Variants in PEBP4 observed in about 807,000 individuals in gnomAD.
The protein encoded by PEBP4 is phosphatidylethanolamine binding protein 4.
Under a neutral mutation model 23.9 loss-of-function variants are expected in PEBP4, and 22 were observed. The ratio of observed to expected loss-of-function variants is 0.92; its 90% confidence interval spans 0.66 to 1.31. PEBP4 has a LOEUF of 1.31. PEBP4 is among the 40% of genes most tolerant of loss of function. The pLI is 0.00. For missense variants in PEBP4, 324 were observed against 281.7 expected, an observed-to-expected ratio of 1.15 and a Z score of -1.07; for synonymous variants, 112 against 99.3, an observed-to-expected ratio of 1.13 and a Z score of -0.76.
intron 2 of PEBP4, among the ~76,000 whole-genome samples, chr8:22,927,220 G>GGGGAGAGGGGGCATTCAGGCTGCA (rs1232420963): frequency 5.3e-5 from 8 of 152,086 alleles, no homozygotes; most frequent in Non-Finnish European, 1.2e-4. Flanking sequence ...TTGGGGTTCT[G>GGGGAGAGGGGGCATTCAGGCTGCA]GGGAGAGGGG....
chr8:22,840,328 A>G (rs1044727320), intron 3 of PEBP4, among the ~76,000 whole-genome samples: 3 of 152,104 alleles, frequency 2.0e-5, no homozygotes, highest in African/African-American at 7.2e-5. Context: ...GGTGTGGATG[A>G]AAATGTGACC....
intron 4 of PEBP4, among the ~76,000 whole-genome samples, chr8:22,814,855 G>A (rs1806704673): frequency 6.6e-6 from 1 of 151,924 alleles, no homozygotes; most frequent in African/African-American, 2.4e-5. Flanking sequence ...ACCCATAAAG[G>A]ATAGTTAGAA....
intron 4 of PEBP4, among the ~76,000 whole-genome samples, chr8:22,813,012 G>A (rs1277976805): frequency 1.3e-5 from 2 of 151,736 alleles, no homozygotes; most frequent in Admixed American, 6.5e-5. Context: ...TCAAGCACAA[G>A]TGTCCTGGCA....
At chr8:22,925,228 G>A (rs1809300572) in intron 2 of PEBP4, 1 of 985,402 alleles carries the variant, frequency 1.0e-6, no homozygotes, top group Non-Finnish European at 1.2e-6. Flanking sequence ...CATCTTCCTG[G>A]CATGCAACCT....
intron 4 of PEBP4, among the ~76,000 whole-genome samples, chr8:22,793,433 ATTTT>A (rs11315221): frequency 1.7e-5 from 2 of 120,338 alleles, no homozygotes; most frequent in Admixed American, 8.7e-5. Context: ...CGCCCAGCTC[ATTTT>A]TTTTTTTTTT....
chr8:22,788,396 C>T (rs1806070942), intron 4 of PEBP4, among the ~76,000 whole-genome samples: 1 of 152,176 alleles, frequency 6.6e-6, no homozygotes, highest in Admixed American at 6.5e-5. Context: ...AGCCGTGTGG[C>T]TATGAGGGCC....
intron 3 of PEBP4, among the ~76,000 whole-genome samples, chr8:22,858,105 C>T (rs1388559891): frequency 6.6e-6 from 1 of 152,150 alleles, no homozygotes; most frequent in African/African-American, 2.4e-5. Flanking sequence ...ATAACTAAGG[C>T]GGGGTCCTCT....
rs534212434 is a variant in PEBP4 at position 22,750,777 on chromosome 8, G to A, written c.358-23557C>T. On this transcript the variant is annotated intron_variant, in intron 4 of 6. Coordinates refer to ENST00000256404, the MANE Select transcript of PEBP4 (RefSeq NM_144962.3). The stretch of plus-strand genomic sequence containing the variant: ...CTCTCGGAACTAAGACCTGAGCAAA[G>A]GGGTCAGTCTGTACAGTGCAGCCAC... Among the ~76,000 whole-genome samples, 103 of 152,284 alleles carry A rather than the reference G, an allele frequency of 6.8e-4. 4 individuals carry two copies. In the East Asian group the frequency reaches 0.011, roughly 17 times the overall value.
At chr8:22,867,261 C>G (rs535115334) in intron 3 of PEBP4, among the ~76,000 whole-genome samples, 1 of 152,254 alleles carries the variant, frequency 6.6e-6, no homozygotes, top group South Asian at 2.1e-4. Context: ...TAGACTCTGT[C>G]AACATATTTG....
intron 3 of PEBP4, among the ~76,000 whole-genome samples, chr8:22,854,989 T>C (rs1807612007): frequency 7.0e-6 from 1 of 143,066 alleles, no homozygotes; most frequent in Admixed American, 6.8e-5. Context: ...TGTGTATGTG[T>C]GAGTATGCAC....
At chr8:22,747,964 C>T (rs953346192) in intron 4 of PEBP4, among the ~76,000 whole-genome samples, 4 of 152,212 alleles carry the variant, frequency 2.6e-5, no homozygotes, top group Non-Finnish European at 4.4e-5. Flanking sequence ...AGGAGAGGTT[C>T]GTCCCAGCCT....
intron 2 of PEBP4, chr8:22,924,591 G>A (rs998566520): frequency 1.1e-4 from 100 of 909,538 alleles, no homozygotes; most frequent in Non-Finnish European, 1.3e-4. Flanking sequence ...AGAGCAGCAG[G>A]GCCTCGGGGT....
chr8:22,870,721 C>T (rs1585316037), intron 3 of PEBP4, among the ~76,000 whole-genome samples: 1 of 152,096 alleles, frequency 6.6e-6, no homozygotes, highest in African/African-American at 2.4e-5. Flanking sequence ...CTTTCTGCAG[C>T]TTCTGCTCAG....
chr8:22,919,096 T>G (rs1368374643), intron 3 of PEBP4, among the ~76,000 whole-genome samples: 2 of 152,188 alleles, frequency 1.3e-5, no homozygotes, highest in Admixed American at 1.3e-4. Flanking sequence ...GAAAAACACT[T>G]CAAAGAGAAG....
At chr8:22,881,162 T>C (rs1214506807) in intron 3 of PEBP4, among the ~76,000 whole-genome samples, 1 of 152,228 alleles carries the variant, frequency 6.6e-6, no homozygotes, top group African/African-American at 2.4e-5. Flanking sequence ...AGTGTGTCCA[T>C]GGGGCCCCAC....
intron 4 of PEBP4, among the ~76,000 whole-genome samples, chr8:22,779,937 T>A (rs1375763684): frequency 6.6e-6 from 1 of 151,076 alleles, no homozygotes; most frequent in African/African-American, 2.4e-5. Context: ...TTCCCAGGCA[T>A]CTTGTTTTTT....
chr8:22,932,914 A>C (rs1809480272), upstream of PEBP4, among the ~76,000 whole-genome samples: 1 of 152,016 alleles, frequency 6.6e-6, no homozygotes, highest in African/African-American at 2.4e-5. Flanking sequence ...CTAAGGCAGA[A>C]GAATCACTTG....
intron 3 of PEBP4, among the ~76,000 whole-genome samples, chr8:22,831,812 C>T (rs1237002608): frequency 6.6e-6 from 1 of 152,196 alleles, no homozygotes; most frequent in Non-Finnish European, 1.5e-5. Flanking sequence ...AGCACATCCA[C>T]AGGCAGGGAG....
At chr8:22,830,059 T>C (rs2872210) in intron 3 of PEBP4, among the ~76,000 whole-genome samples, 96,057 of 151,626 alleles carry the variant, frequency 0.63, 30,969 homozygotes, top group East Asian at 0.87. Flanking sequence ...GCTTCCATCC[T>C]ATTCTTCTTC....
Sources: gnomAD v4.1 joint callset for allele counts (sites outside exome capture counted in the v4.1 genomes callset) on GRCh38, gnomAD v4.1.1 for gene constraint, MANE v1.5 for transcripts, NCBI Gene and HGNC (gene_info 2026-07-23, HGNC 2026-07-21) for gene names.